DIAPH2: variants seen among roughly 807,000 people sequenced by gnomAD.
DIAPH2 encodes the protein protein diaphanous homolog 2.
Under a neutral mutation model 92.7 loss-of-function variants are expected in DIAPH2, and 35 were observed. The ratio of observed to expected loss-of-function variants is 0.38; its 90% CI spans 0.29 to 0.50. DIAPH2 has a LOEUF of 0.50. Ranked by LOEUF, DIAPH2 falls within the 20% of genes least tolerant of loss-of-function variation. DIAPH2 has a pLI of 0.94. For synonymous variants in DIAPH2, 301 were observed against 280.4 expected (o/e 1.07, Z -0.73); for missense variants, 701 against 819.5 (o/e 0.86, Z 1.77).
intron 5 of DIAPH2, among the ~76,000 whole-genome samples, chrX:96,892,540 T>G (rs1317601701): frequency 4.5e-5 from 5 of 111,942 alleles, no homozygotes; most frequent in African/African-American, 1.6e-4. Flanking sequence ...GTTGATACCA[T>G]ATATATTAAG....
chrX:97,583,205 T>A (rs964161847), intron 26 of DIAPH2, among the ~76,000 whole-genome samples: 2 of 112,496 alleles, frequency 1.8e-5, no homozygotes, highest in African/African-American at 6.5e-5. Context: ...AGCTTTGTTC[T>A]GCTGCTGGTG....
chrX:97,135,591 A>T (rs1039112758), intron 21 of DIAPH2, among the ~76,000 whole-genome samples: 1 of 111,204 alleles, frequency 9.0e-6, no homozygotes, highest in Non-Finnish European at 1.9e-5. Flanking sequence ...TTCCACACGC[A>T]TACCATCTTC....
At chrX:97,464,297 T>TTAAAAA (rs2070489123) in intron 26 of DIAPH2, among the ~76,000 whole-genome samples, 2 of 32,943 alleles carry the variant, frequency 6.1e-5, no homozygotes, top group Non-Finnish European at 9.4e-5. Flanking sequence ...CCATCTCTAC[T>TTAAAAA]AAAAAAAAAA....
intron 23 of DIAPH2, among the ~76,000 whole-genome samples, chrX:97,250,285 T>G (rs1240550985): frequency 9.0e-6 from 1 of 111,668 alleles, no homozygotes; most frequent in East Asian, 2.8e-4. Flanking sequence ...AAAGTAACTT[T>G]AGCTACTTAA....
rs1431061203 is a variant in DIAPH2 at position 97,086,216 on chromosome X, C to G, written c.2247+10955C>G. 2.7e-5 allele frequency among the ~76,000 whole-genome samples: 3 copies of G among 111,943 alleles called. No homozygotes were observed. The East Asian group carries it at 8.4e-4, about 31-fold the overall frequency. ...TTCATAGTATGTACATGTTGGAACA[C>G]TATTCACCCTTTAAAAAGAAGGAAA... On this transcript the variant is annotated intron_variant, in intron 19 of 26. Transcript: ENST00000324765.
At chrX:96,697,192 C>G (rs1410503195) in intron 1 of DIAPH2, among the ~76,000 whole-genome samples, 1 of 110,216 alleles carries the variant, frequency 9.1e-6, no homozygotes, top group Non-Finnish European at 1.9e-5. Flanking sequence ...GCATAGCCAG[C>G]AAGAATGGGC....
intron 3 of DIAPH2, among the ~76,000 whole-genome samples, chrX:96,749,145 A>AATAT (rs56745873): frequency 2.9e-4 from 23 of 79,797 alleles, no homozygotes; most frequent in African/African-American, 1.0e-3. Flanking sequence ...AAAAAAAAAA[A>AATAT]ATATATATAT....
chrX:97,426,855 A>G (rs1250106883), intron 25 of DIAPH2, among the ~76,000 whole-genome samples: 1 of 111,377 alleles, frequency 9.0e-6, no homozygotes, highest in Non-Finnish European at 1.9e-5. Flanking sequence ...TTGAAAATAC[A>G]TTTGGTTGAA....
chrX:97,246,250 G>T (rs1042478181), intron 22 of DIAPH2, among the ~76,000 whole-genome samples: 1 of 110,759 alleles, frequency 9.0e-6, no homozygotes, highest in Non-Finnish European at 1.9e-5. Context: ...TGGGGAAGGA[G>T]AAACCTTTTG....
In DIAPH2 at chrX:97,185,381, GTATATATATA is replaced by G. The variant is rs1238589084; in HGVS notation, c.2719+43589_2719+43598del. Among the ~76,000 whole-genome samples the G allele has an allele frequency of 1.0e-3, 28 of 27,886 alleles. 3 individuals carry two copies. Among genetic ancestry groups the G allele is most frequent in the African/African-American group, 6.8e-3 (26 of 3,836 alleles). 24.2% of individuals were successfully genotyped at this position (27,886 alleles called of 115,157 possible). On this transcript the variant is annotated intron_variant, in intron 22 of 26. Transcript: ENST00000324765. ...TGTATATATATATGTATATATATAT[GTATATATATA>G]TGTGTATATATATATATATGTATAT...
intron 17 of DIAPH2, among the ~76,000 whole-genome samples, chrX:96,973,647 A>G (rs911976198): frequency 4.7e-5 from 5 of 106,790 alleles, no homozygotes; most frequent in African/African-American, 1.7e-4. Context: ...TAGCTTCTAT[A>G]TGAATACTAT....
chrX:97,279,548 C>T (rs1475170371), intron 23 of DIAPH2, among the ~76,000 whole-genome samples: 1 of 110,373 alleles, frequency 9.1e-6, no homozygotes, highest in Non-Finnish European at 1.9e-5. Context: ...AAGTGATCCA[C>T]CAGCCTTGAC....
rs755955851 is a variant in DIAPH2, at chrX:97,062,614, CAA to C, written c.2051-10326_2051-10325del. Among the ~76,000 whole-genome samples, 121 of 111,683 alleles carry C rather than the reference CAA, an allele frequency of 1.1e-3. 1 individual carries two copies. The highest frequency in any genetic ancestry group is 3.8e-3 in the African/African-American group (118 of 30,803). On this transcript the variant is annotated intron_variant, in intron 17 of 26. Transcript: ENST00000324765. ...GAGGGTAGTGAGTCTGTTCAGGAAA[CAA>C]GAGAACTTAAAGCTTATTTGAATTT...
intron 5 of DIAPH2, among the ~76,000 whole-genome samples, chrX:96,882,574 A>C (rs1390145605): frequency 9.0e-6 from 1 of 111,166 alleles, no homozygotes. Context: ...GGTGGATTCC[A>C]GTAACTGTGG....
At chrX:97,275,428 T>C (rs2068436507) in intron 23 of DIAPH2, among the ~76,000 whole-genome samples, 1 of 101,596 alleles carries the variant, frequency 9.8e-6, no homozygotes, top group Admixed American at 1.0e-4. Flanking sequence ...CTGCCCCCCC[T>C]TCACCTCCCA....
intron 1 of DIAPH2, among the ~76,000 whole-genome samples, chrX:96,728,845 T>C (rs2064037784): frequency 8.9e-6 from 1 of 112,615 alleles, no homozygotes. Context: ...AACTTTTTTT[T>C]CCCATTTGAA....
intron 20 of DIAPH2, among the ~76,000 whole-genome samples, chrX:97,100,428 A>C (rs1365789924): frequency 9.0e-6 from 1 of 111,689 alleles, no homozygotes. Context: ...AATAAGTATA[A>C]ATTTTGAATT....
At chrX:97,302,899 G>A (rs150103085) in intron 23 of DIAPH2, among the ~76,000 whole-genome samples, 2,434 of 111,384 alleles carry the variant, frequency 0.022, 86 homozygotes, top group African/African-American at 0.075. Context: ...CATGAGAATC[G>A]CTTGAACCCA....
chrX:97,357,378 C>T (rs192406897), intron 24 of DIAPH2, among the ~76,000 whole-genome samples: 32 of 111,390 alleles, frequency 2.9e-4, no homozygotes, highest in African/African-American at 9.4e-4. Context: ...GAAAAGATGC[C>T]GTCACCCCTG....
Sources: allele counts gnomAD v4.1 joint callset (sites outside exome capture counted in the v4.1 genomes callset), GRCh38; gene constraint gnomAD v4.1.1; transcripts MANE v1.5; gene names NCBI Gene and HGNC (gene_info 2026-07-23, HGNC 2026-07-21).